The following MRS2 variants were observed in gnomAD, a reference collection of about 807,000 sequenced individuals.
The protein encoded by MRS2 is magnesium transporter MRS2 homolog, mitochondrial.
MRS2 carries 40 observed loss-of-function variants against 52.6 expected under a neutral mutation model. That is an observed-to-expected ratio of 0.76 (90% CI 0.59 to 0.99). The LOEUF is 0.99. MRS2 is among the 50% of genes least tolerant of loss of function. MRS2 has a pLI of 0.00. For synonymous variants in MRS2, 193 were observed against 195.9 expected, an observed-to-expected ratio of 0.98 and a Z score of 0.13; for missense variants, 472 against 532.7, an observed-to-expected ratio of 0.89 and a Z score of 1.12.
rs771463934 is a variant in MRS2 at position 24,425,884 on chromosome 6, A to G, written c.*2190A>G. The G allele has an allele frequency of 2.0e-5, 3 of 152,242 alleles. No individual in the cohort carries two copies. The highest frequency in any genetic ancestry group is 4.4e-5 in the Non-Finnish European group (3 of 68,046). The allele number at this position is 152,242 out of a possible 1,614,324, so 9.4% of individuals were successfully genotyped here. ...GTGAGTTATTCCAAGAGTTGTATAC[A>G]GCTTTATTTTTTGGAATTGCAATAT... is the stretch of plus-strand genomic sequence containing the variant. On this transcript the variant is annotated 3_prime_UTR_variant, in exon 11 of 11. Transcript: ENST00000378386.
rs1438006491 is a variant in MRS2 at position 24,425,779 on chromosome 6, A to G, written c.*2085A>G. 2.0e-5 allele frequency: 3 copies of G among 152,246 alleles called. No homozygotes were observed. The highest frequency in any genetic ancestry group is 2.1e-4 in the South Asian group (1 of 4,834). The allele number at this position is 152,246 out of a possible 1,614,324, so 9.4% of individuals were successfully genotyped here. On this transcript the variant is annotated 3_prime_UTR_variant, in exon 11 of 11. Transcript: ENST00000378386. ...AGGCTCCTAAACAAATGTGAGCACA[A>G]TTATTAACACCTTATTCTTCATGAA...
chr6:24,414,717 C>T (rs966037676), intron 5 of MRS2, among the ~76,000 whole-genome samples: 20 of 152,112 alleles, frequency 1.3e-4, no homozygotes, highest in Non-Finnish European at 2.1e-4. Context: ...ACTTCCCAGA[C>T]GGGGCGGCCG....
At chr6:24,417,826 C>A (rs989862221) in intron 7 of MRS2, among the ~76,000 whole-genome samples, 1 of 151,980 alleles carries the variant, frequency 6.6e-6, no homozygotes, top group African/African-American at 2.4e-5. Context: ...CCTGTAGTCC[C>A]AGCTACTGGG....
chr6:24,421,005 C>G (rs1762025760), intron 9 of MRS2, among the ~76,000 whole-genome samples: 1 of 152,074 alleles, frequency 6.6e-6, no homozygotes, highest in African/African-American at 2.4e-5. Context: ...AGCAGAATAC[C>G]TTGTGCAACA....
chr6:24,405,118 T>G, intron 1 of MRS2, 50 bp from the exon 2 acceptor site: 1 of 1,341,228 alleles, frequency 7.5e-7, no homozygotes, highest in South Asian at 1.2e-5. Context: ...TTTAGCTCTA[T>G]GTGAAAACCA....
rs932717296 is a variant in MRS2, at chr6:24,424,557, A to G, written c.*863A>G. Reference sequence around the variant, plus strand: ...AGGATGAATAAATGTTAGAACTGTGATATCTTCTCATTTCCACAGAGATTT... The same window carrying G: ...AGGATGAATAAATGTTAGAACTGTGGTATCTTCTCATTTCCACAGAGATTT... On this transcript the variant is annotated 3_prime_UTR_variant, in exon 11 of 11. Coordinates refer to ENST00000378386, the MANE Select transcript of MRS2 (RefSeq NM_020662.4). 3.3e-5 allele frequency: 5 copies of G among 152,208 alleles called. No homozygotes were observed. Among genetic ancestry groups the G allele is most frequent in the African/African-American group, 9.6e-5 (4 of 41,464 alleles). 9.4% of individuals were successfully genotyped at this position (152,208 alleles called of 1,614,324 possible). A position where few individuals can be genotyped will look rare whatever the true frequency, so the allele number is the denominator to read the frequency against.
rs1030929206 is a variant in MRS2, at chr6:24,419,333, C to T, written c.1107+755C>T. On this transcript the variant is annotated intron_variant, in intron 9 of 10. Coordinates refer to ENST00000378386, the MANE Select transcript of MRS2 (RefSeq NM_020662.4). ...TCACAATTCAGGCAGTACTGTTGGACCATGTTATAACCTAGATAAATACAG... is the reference window on the plus strand; with the variant it reads ...TCACAATTCAGGCAGTACTGTTGGATCATGTTATAACCTAGATAAATACAG... 4.6e-5 allele frequency: 7 copies of T among 152,230 alleles called. No homozygotes were observed. In the South Asian group the frequency reaches 8.3e-4, roughly 18 times the overall value. 9.4% of individuals were successfully genotyped at this position (152,230 alleles called of 1,614,324 possible). A position where few individuals can be genotyped will look rare whatever the true frequency, so the allele number is the denominator to read the frequency against.
At chr6:24,422,412 T>TA (rs906155057) in intron 9 of MRS2, among the ~76,000 whole-genome samples, 7 of 152,246 alleles carry the variant, frequency 4.6e-5, no homozygotes, top group Non-Finnish European at 8.8e-5. Context: ...AATGTTTTTC[T>TA]AAGTCTGAGG....
intron 4 of MRS2, among the ~76,000 whole-genome samples, chr6:24,410,451 C>G (rs902972634): frequency 6.6e-6 from 1 of 152,032 alleles, no homozygotes; most frequent in African/African-American, 2.4e-5. Context: ...GGTATTGGCC[C>G]TGTAGTGGGT....
intron 9 of MRS2, among the ~76,000 whole-genome samples, chr6:24,421,194 C>A (rs1762030679): frequency 6.6e-6 from 1 of 152,126 alleles, no homozygotes. Flanking sequence ...TTTTCTCTCA[C>A]TTAATTGCCA....
intron 5 of MRS2, 27 bp downstream of exon 5, chr6:24,412,422 G>T (rs983174740): frequency 6.8e-7 from 1 of 1,479,522 alleles, no homozygotes; most frequent in Non-Finnish European, 9.0e-7. Flanking sequence ...TTAGCTTCTT[G>T]GGTTTATTCT....
chr6:24,422,570 A>G (rs924283891), intron 9 of MRS2, among the ~76,000 whole-genome samples: 4 of 151,976 alleles, frequency 2.6e-5, no homozygotes, highest in African/African-American at 9.7e-5. Context: ...CGTGCCCAGC[A>G]TAGCACCAGA....
intron 9 of MRS2, among the ~76,000 whole-genome samples, chr6:24,419,719 GT>G (rs1202298215): frequency 6.6e-6 from 1 of 152,238 alleles, no homozygotes; most frequent in East Asian, 1.9e-4. Context: ...TTTCACTGTG[GT>G]TTTGTACAGT....
At position 24,425,847 on chromosome 6, in the gene MRS2, CTATT is replaced by C. The variant is rs1762217375; in HGVS notation, c.*2159_*2162del. ...CACTAACCAATTTTATATTAAAAAG[CTATT>C]TATTTTGGTGAGTTATTCCAAGAGT... On this transcript the variant is annotated 3_prime_UTR_variant, in exon 11 of 11. Coordinates refer to ENST00000378386, the MANE Select transcript of MRS2 (RefSeq NM_020662.4). The C allele has an allele frequency of 6.6e-6, 1 of 152,166 alleles. No individual in the cohort carries two copies. Among genetic ancestry groups the C allele is most frequent in the Non-Finnish European group, 1.5e-5 (1 of 68,020 alleles). The allele number at this position is 152,166 out of a possible 1,614,324, so 9.4% of individuals were successfully genotyped here.
rs1385288450 is a variant in MRS2, at chr6:24,422,951, T to A, written c.1122T>A (p.Phe374Leu). 2 of 1,613,634 alleles carry A rather than the reference T, an allele frequency of 1.2e-6. No homozygotes were observed. ...TTCTCTTTTAGGACCATAGAATTTT[T>A]TGGCTGATTACAGGAATTATGTTCA... ...ESSLEEDHRI[F>L]WLITGIMFMG... The change falls in exon 10 of 11, where the codon TTT becomes TTA. Residue 374 changes from phenylalanine to leucine, a missense_variant. By Grantham distance (22) the Phe-to-Leu change is conservative. Coordinates refer to ENST00000378386, the MANE Select transcript of MRS2 (RefSeq NM_020662.4).
chr6:24,419,888 G>GTAAGT (rs1195117333), intron 9 of MRS2, among the ~76,000 whole-genome samples: 10 of 152,176 alleles, frequency 6.6e-5, no homozygotes, highest in African/African-American at 2.4e-4. Context: ...ATAGCTTATT[G>GTAAGT]TAAGTTTTCT....
At position 24,421,305 on chromosome 6, in the gene MRS2, G is replaced by A. The variant is rs567349455; in HGVS notation, c.1108-1632G>A. Reference sequence around the variant, plus strand: ...GCCCATTTGTAATGAGATAAGAGTGGTAGGTGGTAGTGAGCTACGCTTGCT... The same window carrying A: ...GCCCATTTGTAATGAGATAAGAGTGATAGGTGGTAGTGAGCTACGCTTGCT... On this transcript the variant is annotated intron_variant, in intron 9 of 10. Transcript: ENST00000378386. 2.4e-4 allele frequency among the ~76,000 whole-genome samples: 37 copies of A among 152,290 alleles called. No homozygotes were observed. In the South Asian group the frequency reaches 2.9e-3, roughly 12 times the overall value.
rs903133728 is a variant in MRS2, at chr6:24,418,881, A to G, written c.1107+303A>G. 2.4e-5 allele frequency: 5 copies of G among 204,264 alleles called. No homozygotes were observed. In the South Asian group the frequency reaches 4.2e-4, roughly 17 times the overall value. The allele number at this position is 204,264 out of a possible 1,614,324, so 12.7% of individuals were successfully genotyped here. On this transcript the variant is annotated intron_variant, in intron 9 of 10. Coordinates refer to ENST00000378386, the MANE Select transcript of MRS2 (RefSeq NM_020662.4). The stretch of plus-strand genomic sequence containing the variant: ...GCCGTTGCACTCCAGCCTGGGAGAC[A>G]GAGTGAGACTCTGTCTCCAAAAAAA...
At chr6:24,412,934 T>C (rs1210522892) in intron 5 of MRS2, among the ~76,000 whole-genome samples, 6 of 152,164 alleles carry the variant, frequency 3.9e-5, no homozygotes, top group Non-Finnish European at 5.9e-5. Context: ...GCTGGGAGCA[T>C]ACTAACCAGA....
Sources: allele counts gnomAD v4.1 joint callset (sites outside exome capture counted in the v4.1 genomes callset), GRCh38; gene constraint gnomAD v4.1.1; transcripts MANE v1.5; gene names NCBI Gene and HGNC (gene_info 2026-07-23, HGNC 2026-07-21).